SUSD4: variants seen among roughly 807,000 people sequenced by gnomAD.
SUSD4 encodes the protein sushi domain containing 4.
A neutral mutation model predicts 50.5 loss-of-function variants in SUSD4; 41 were observed. The ratio of observed to expected loss-of-function variants is 0.81; its 90% confidence interval spans 0.63 to 1.05. SUSD4 has a LOEUF of 1.05. Among genes scored for constraint, SUSD4 ranks in the 50% least tolerant of loss-of-function variants. The pLI, the probability that SUSD4 is intolerant of heterozygous loss-of-function variation, is 0.00. For synonymous variants in SUSD4, 257 were observed against 257.3 expected, an observed-to-expected ratio of 1.00 and a Z score of 0.01; for missense variants, 580 against 634.7, an observed-to-expected ratio of 0.91 and a Z score of 0.93.
intron 5 of SUSD4, among the ~76,000 whole-genome samples, chr1:223,237,800 G>A (rs1233705329): frequency 2.0e-5 from 3 of 151,816 alleles, no homozygotes; most frequent in African/African-American, 4.8e-5. Flanking sequence ...ATTGATCTGC[G>A]ATTTTCTTTT....
intron 2 of SUSD4, among the ~76,000 whole-genome samples, chr1:223,333,251 A>C (rs1386361335): frequency 6.6e-6 from 1 of 151,826 alleles, no homozygotes; most frequent in Non-Finnish European, 1.5e-5. Flanking sequence ...TTCAATCCAC[A>C]CTCCACCACT....
At chr1:223,302,200 C>T (rs890940199) in intron 2 of SUSD4, among the ~76,000 whole-genome samples, 1 of 152,136 alleles carries the variant, frequency 6.6e-6, no homozygotes, top group African/African-American at 2.4e-5. Context: ...TTGTAAGTTT[C>T]CTGAGGCCTA....
At chr1:223,359,325 A>G (rs1668838625) in intron 2 of SUSD4, among the ~76,000 whole-genome samples, 1 of 152,058 alleles carries the variant, frequency 6.6e-6, no homozygotes, top group Admixed American at 6.5e-5. Flanking sequence ...GATTAAACGG[A>G]CTATTTTCTG....
chr1:223,354,041 A>G (rs1313832815), intron 2 of SUSD4, among the ~76,000 whole-genome samples: 3 of 152,060 alleles, frequency 2.0e-5, no homozygotes, highest in Admixed American at 1.3e-4. Context: ...CAAGAAAAAA[A>G]AAAAAAGAAA....
Position 223,227,629 on chromosome 1 carries a change from C to T in SUSD4, c.1026G>A (p.Met342Ile), listed in dbSNP as rs757922368. ...LVLLLVILAR[M>I]FQTKFKAHFP... ...AGTGGGCCTTGAACTTGGTCTGGAA[C>T]ATCCTGGCCAGGATGACGAGCAGCA... Residue 342 changes from methionine (M) to isoleucine (I), a missense_variant, in exon 7 of 9, where the codon ATG becomes ATA. Physicochemically the swap from Met to Ile is conservative, Grantham distance 10. Transcript: ENST00000366878. The surrounding 1 kb of genome is among the most constrained non-coding windows in gnomAD (Gnocchi z 4.5). 6.2e-7 allele frequency: 1 copy of T among 1,613,962 alleles called. No individual in the cohort carries two copies. The highest frequency in any genetic ancestry group is 8.5e-7 in the Non-Finnish European group (1 of 1,179,978).
intron 2 of SUSD4, among the ~76,000 whole-genome samples, chr1:223,356,778 G>A (rs1367623524): frequency 1.3e-5 from 2 of 152,102 alleles, no homozygotes; most frequent in Non-Finnish European, 2.9e-5. Flanking sequence ...CACTGAGGAC[G>A]TCTCTTGAAA....
At chr1:223,294,256 G>A (rs1268966273) in intron 2 of SUSD4, among the ~76,000 whole-genome samples, 2 of 152,198 alleles carry the variant, frequency 1.3e-5, no homozygotes, top group African/African-American at 4.8e-5. Context: ...GCCAGGACAG[G>A]CTGGACACCA....
chr1:223,239,821 CAAGAAT>C (rs751132749), intron 5 of SUSD4, among the ~76,000 whole-genome samples: 2 of 151,986 alleles, frequency 1.3e-5, no homozygotes, highest in Non-Finnish European at 2.9e-5. Context: ...CTAGATCAAT[CAAGAAT>C]AAGAAAAATA....
chr1:223,230,115 T>C (rs545292202), intron 5 of SUSD4, among the ~76,000 whole-genome samples: 6 of 152,292 alleles, frequency 3.9e-5, no homozygotes, highest in Admixed American at 3.9e-4. Flanking sequence ...GAATATCCCA[T>C]CATGTTAGGG....
At chr1:223,235,060 T>C in intron 5 of SUSD4, 1 of 1,608,204 alleles carries the variant, frequency 6.2e-7, no homozygotes, top group Non-Finnish European at 8.5e-7. Context: ...ACCTGATGTG[T>C]GGGAAATAAA....
intron 2 of SUSD4, among the ~76,000 whole-genome samples, chr1:223,293,325 C>T (rs1664616890): frequency 6.6e-6 from 1 of 152,186 alleles, no homozygotes; most frequent in Non-Finnish European, 1.5e-5. Context: ...CCTGCCTCAT[C>T]CCTACTTTGT....
intron 5 of SUSD4, among the ~76,000 whole-genome samples, chr1:223,253,449 C>T (rs1038458496): frequency 2.6e-5 from 4 of 151,948 alleles, no homozygotes; most frequent in African/African-American, 7.3e-5. Context: ...GACTATTTTA[C>T]CCACGCATCA....
chr1:223,323,787 G>A (rs1183229044), intron 2 of SUSD4, among the ~76,000 whole-genome samples: 3 of 152,114 alleles, frequency 2.0e-5, no homozygotes, highest in African/African-American at 7.2e-5. Context: ...GGATGCTCTG[G>A]CCCACTGCTA....
intron 2 of SUSD4, among the ~76,000 whole-genome samples, chr1:223,343,396 TC>T (rs1329910327): frequency 6.6e-6 from 1 of 152,120 alleles, no homozygotes; most frequent in Non-Finnish European, 1.5e-5. Context: ...ATTGTTTATC[TC>T]CCCCACTGGA....
intron 3 of SUSD4, 144 bp from the exon 4 acceptor site, chr1:223,268,819 C>T: frequency 3.5e-6 from 3 of 846,968 alleles, no homozygotes; most frequent in Admixed American, 3.0e-5. Context: ...TCACTAGGCT[C>T]AGGTGCCAAT....
At chr1:223,291,444 G>A (rs825122) in intron 3 of SUSD4, among the ~76,000 whole-genome samples, 7,640 of 133,198 alleles carry the variant, frequency 0.057, 658 homozygotes, top group African/African-American at 0.21. Flanking sequence ...AGCCAAGATT[G>A]TGCCACTGCA....
At chr1:223,233,686 C>T (rs997507444) in intron 5 of SUSD4, among the ~76,000 whole-genome samples, 5 of 152,160 alleles carry the variant, frequency 3.3e-5, no homozygotes, top group South Asian at 2.1e-4. Context: ...AAAAGTGGAC[C>T]GGGCTATGGC....
At chr1:223,289,198 G>A (rs1664328619) in intron 3 of SUSD4, 1 of 985,394 alleles carries the variant, frequency 1.0e-6, no homozygotes, top group Non-Finnish European at 1.2e-6. Context: ...CCACCATATA[G>A]GTCACCTCCT....
chr1:223,257,887 T>A (rs1661810347), intron 5 of SUSD4, among the ~76,000 whole-genome samples: 1 of 152,178 alleles, frequency 6.6e-6, no homozygotes, highest in Non-Finnish European at 1.5e-5. Context: ...GAGGTGACAC[T>A]GGGCCTCATC....
Sources: allele counts gnomAD v4.1 joint callset (sites outside exome capture counted in the v4.1 genomes callset), GRCh38; gene constraint gnomAD v4.1.1; non-coding constraint Gnocchi (gnomAD v3.1); transcripts MANE v1.5; gene names NCBI Gene and HGNC (gene_info 2026-07-23, HGNC 2026-07-21).